ETNK1: variants seen among roughly 807,000 people sequenced by gnomAD.
ETNK1 encodes putative protein product of Nbla10396.
A neutral mutation model predicts 45.1 loss-of-function variants in ETNK1; 8 were observed. That is an observed-to-expected ratio of 0.18 (90% CI 0.10 to 0.32). The LOEUF is 0.32. Among genes scored for constraint, ETNK1 ranks in the 10% least tolerant of loss-of-function variants. The probability of loss-of-function intolerance (pLI) is 1.00; values close to 1 mark genes in which losing one functional copy is unlikely to be tolerated. For synonymous variants in ETNK1, 152 were observed against 151.9 expected, an observed-to-expected ratio of 1.00 and a Z score of -0.01; for missense variants, 302 against 430.6, an observed-to-expected ratio of 0.70 and a Z score of 2.64.
In ETNK1 at chr12:22,653,673, T is replaced by C. The variant is rs535437460; in HGVS notation, c.417-5341T>C. Among the ~76,000 whole-genome samples, 240 of 152,308 alleles carry C rather than the reference T, an allele frequency of 1.6e-3. 1 individual carries two copies. The highest frequency in any genetic ancestry group is 5.5e-3 in the African/African-American group (229 of 41,590). On this transcript the variant is annotated intron_variant, in intron 2 of 7. Coordinates refer to ENST00000266517, the MANE Select transcript of ETNK1 (RefSeq NM_018638.5). ...AGATTGTTCATTGTTAGTGTAAAAG[T>C]GCAACTGATTTTTGCGTATTGATTT...
intron 6 of ETNK1, among the ~76,000 whole-genome samples, chr12:22,682,677 T>A (rs959776672): frequency 2.6e-5 from 4 of 152,172 alleles, no homozygotes; most frequent in African/African-American, 9.7e-5. Flanking sequence ...TTTACTGTTA[T>A]TGTGTGATGG....
intron 2 of ETNK1, among the ~76,000 whole-genome samples, chr12:22,654,708 G>A (rs1953917626): frequency 6.6e-6 from 1 of 152,086 alleles, no homozygotes; most frequent in African/African-American, 2.4e-5. Context: ...TATTAATAAA[G>A]CAATCTTTAT....
intron 2 of ETNK1, among the ~76,000 whole-genome samples, chr12:22,657,656 T>C (rs924289864): frequency 1.3e-5 from 2 of 152,204 alleles, no homozygotes; most frequent in African/African-American, 4.8e-5. Flanking sequence ...AAATTAGGAT[T>C]AAGTCTCTGG....
intron 6 of ETNK1, among the ~76,000 whole-genome samples, chr12:22,674,405 T>A (rs1281933248): frequency 1.3e-5 from 2 of 152,206 alleles, no homozygotes; most frequent in Non-Finnish European, 2.9e-5. Flanking sequence ...CCTAGTGGTA[T>A]ATGGGTATGC....
chr12:22,680,896 G>A (rs185491), intron 6 of ETNK1, among the ~76,000 whole-genome samples: 4 of 49,998 alleles, frequency 8.0e-5, no homozygotes, highest in South Asian at 9.1e-4. Context: ...TTCTTCCCCC[G>A]CCCCCCCCTC....
chr12:22,646,118 G>T (rs1171878022), intron 2 of ETNK1, among the ~76,000 whole-genome samples: 1 of 151,768 alleles, frequency 6.6e-6, no homozygotes, highest in Non-Finnish European at 1.5e-5. Context: ...TTGGCATTAT[G>T]AATAGTAACA....
intron 1 of ETNK1, among the ~76,000 whole-genome samples, chr12:22,632,447 C>A (rs1953592174): frequency 6.6e-6 from 1 of 151,838 alleles, no homozygotes; most frequent in Admixed American, 6.6e-5. Context: ...TAGTCACAAA[C>A]CTAATATTTG....
At chr12:22,654,747 G>A (rs1413680262) in intron 2 of ETNK1, among the ~76,000 whole-genome samples, 2 of 151,922 alleles carry the variant, frequency 1.3e-5, no homozygotes, top group East Asian at 1.9e-4. Context: ...ATTTTGAATT[G>A]TATAGGAAGA....
chr12:22,658,071 C>T (rs530334727), intron 2 of ETNK1, among the ~76,000 whole-genome samples: 19 of 152,206 alleles, frequency 1.2e-4, no homozygotes, highest in African/African-American at 2.9e-4. Context: ...ATCAGAATTT[C>T]GTTAGTACCT....
At chr12:22,658,380 C>T (rs1953965311) in intron 2 of ETNK1, among the ~76,000 whole-genome samples, 1 of 152,154 alleles carries the variant, frequency 6.6e-6, no homozygotes, top group Non-Finnish European at 1.5e-5. Context: ...TTCAGTGGTT[C>T]AGGAATCTGA....
chr12:22,639,637 A>G (rs944916949), intron 1 of ETNK1, among the ~76,000 whole-genome samples: 1 of 151,928 alleles, frequency 6.6e-6, no homozygotes, highest in African/African-American at 2.4e-5. Flanking sequence ...AGATCGTGCC[A>G]CTTCACTCCA....
intron 6 of ETNK1, among the ~76,000 whole-genome samples, chr12:22,678,358 A>T (rs1232368357): frequency 6.6e-6 from 1 of 152,138 alleles, no homozygotes; most frequent in African/African-American, 2.4e-5. Flanking sequence ...TCCAATGTAA[A>T]TTTTTCAGTC....
chr12:22,631,076 A>G (rs1329600482), intron 1 of ETNK1, among the ~76,000 whole-genome samples: 3 of 152,168 alleles, frequency 2.0e-5, no homozygotes, highest in Admixed American at 6.5e-5. Context: ...TGCCAAATCA[A>G]TATAGTGTCT....
chr12:22,683,460 A>G (rs1043918860), intron 6 of ETNK1, among the ~76,000 whole-genome samples: 1 of 151,986 alleles, frequency 6.6e-6, no homozygotes, highest in Non-Finnish European at 1.5e-5. Context: ...TAGGTTGAAA[A>G]ATTTTTTTTA....
At chr12:22,669,166 T>C (rs890694738) in intron 4 of ETNK1, among the ~76,000 whole-genome samples, 9 of 152,150 alleles carry the variant, frequency 5.9e-5, no homozygotes, top group East Asian at 1.9e-4. Context: ...TTAGTGAATC[T>C]TGTATCCTGA....
chr12:22,649,256 A>G (rs889213167), intron 2 of ETNK1, among the ~76,000 whole-genome samples: 3 of 152,052 alleles, frequency 2.0e-5, no homozygotes, highest in East Asian at 1.9e-4. Context: ...TTCATGGATC[A>G]TGCCTTTGGT....
At chr12:22,627,170 G>A (rs539062212) in intron 1 of ETNK1, among the ~76,000 whole-genome samples, 112 of 151,592 alleles carry the variant, frequency 7.4e-4, no homozygotes, top group African/African-American at 2.5e-3. Flanking sequence ...TATCTTAGTC[G>A]CCCGAACAAC....
intron 1 of ETNK1, among the ~76,000 whole-genome samples, chr12:22,629,297 T>TA (rs1195302953): frequency 2.0e-5 from 3 of 152,140 alleles, no homozygotes; most frequent in Non-Finnish European, 4.4e-5. Context: ...CCAAGAAGTT[T>TA]AAAAAATGTA....
chr12:22,686,253 C>G lies in ETNK1; in HGVS notation c.*1299C>G, dbSNP rs928865824. 7.2e-5 allele frequency: 11 copies of G among 152,246 alleles called. No homozygotes were observed. Among genetic ancestry groups the G allele is most frequent in the African/African-American group, 2.7e-4 (11 of 41,394 alleles). 9.4% of individuals were successfully genotyped at this position (152,246 alleles called of 1,614,324 possible). On this transcript the variant is annotated 3_prime_UTR_variant, in exon 8 of 8. Transcript: ENST00000266517. The stretch of plus-strand genomic sequence containing the variant: ...TTGTATGGAAAGAAGTTAGATCTTT[C>G]AGATAGATAAATAGGCTTCAGGTTT...
Sources: gnomAD v4.1 joint callset for allele counts (sites outside exome capture counted in the v4.1 genomes callset) on GRCh38, gnomAD v4.1.1 for gene constraint, MANE v1.5 for transcripts, NCBI Gene and HGNC (gene_info 2026-07-23, HGNC 2026-07-21) for gene names.